LDLRAP1: variants seen among roughly 807,000 people sequenced by gnomAD.
The protein encoded by LDLRAP1 is low density lipoprotein receptor adapter protein 1.
In LDLRAP1, 30 loss-of-function variants were observed where a neutral mutation model predicts 37.8. That is an observed-to-expected ratio of 0.79 (90% CI 0.59 to 1.08). The LOEUF (loss-of-function observed/expected upper bound fraction) is 1.08, where lower values mean the gene tolerates loss of function less well. LDLRAP1 is among the 50% of genes least tolerant of loss of function. The pLI, the probability that LDLRAP1 is intolerant of heterozygous loss-of-function variation, is 0.00. For synonymous variants in LDLRAP1, 156 were observed against 169.8 expected (o/e 0.92, Z 0.63); for missense variants, 375 against 401.6 (o/e 0.93, Z 0.57).
At chr1:25,562,348 G>T (rs1482124593) in intron 4 of LDLRAP1, among the ~76,000 whole-genome samples, 1 of 152,214 alleles carries the variant, frequency 6.6e-6, no homozygotes, top group Non-Finnish European at 1.5e-5. Flanking sequence ...AACAGCCTTT[G>T]CAGGCAGGGG....
chr1:25,547,768 A>C (rs1046825368), intron 1 of LDLRAP1, among the ~76,000 whole-genome samples: 1 of 152,150 alleles, frequency 6.6e-6, no homozygotes, highest in Non-Finnish European at 1.5e-5. Flanking sequence ...CAGGGAGGAT[A>C]AGGGCGGCCA....
chr1:25,550,830 G>A (rs1007956529), intron 1 of LDLRAP1, among the ~76,000 whole-genome samples: 16 of 152,196 alleles, frequency 1.1e-4, no homozygotes, highest in Admixed American at 9.2e-4. Flanking sequence ...AAGGAGGAAT[G>A]CAGAAAAATG....
the LDLRAP1 span, among the ~76,000 whole-genome samples, chr1:25,580,386 T>G: frequency 6.6e-6 from 1 of 151,884 alleles, no homozygotes; most frequent in East Asian, 1.9e-4. Context: ...ACAAAAAAAT[T>G]AAATTAAAAA....
At position 25,555,715 on chromosome 1, in the gene LDLRAP1, G is replaced by A. The variant is rs1271355944; in HGVS notation, c.344+743G>A. On this transcript the variant is annotated intron_variant, in intron 3 of 8. Coordinates refer to ENST00000374338, the MANE Select transcript of LDLRAP1 (RefSeq NM_015627.3). This position sits in a 1 kb window ranked among gnomAD's most constrained non-coding sequence, Gnocchi z 4.7. Reference sequence around the variant, plus strand: ...CGTTGGTGCACAGGCCAGTAGTAGGGTCAGTAGATGTGTGTTGTGGGGGTC... The same window carrying A: ...CGTTGGTGCACAGGCCAGTAGTAGGATCAGTAGATGTGTGTTGTGGGGGTC... Among the ~76,000 whole-genome samples the A allele has an allele frequency of 6.6e-6, 1 of 152,186 alleles. No individual in the cohort carries two copies. The highest frequency in any genetic ancestry group is 1.5e-5 in the Non-Finnish European group (1 of 68,034).
chr1:25,554,829 C>A lies in LDLRAP1; in HGVS notation c.232-31C>A. On this transcript the variant is annotated intron_variant, in intron 2 of 8. Transcript: ENST00000374338. The surrounding 1 kb of genome is among the most constrained non-coding windows in gnomAD (Gnocchi z 5.4). ...GAGGGTGGGTCTCAAGTGAGGCTGG[C>A]AGACTCCTCTGACTCCTGTCTGCTC... is the stretch of plus-strand genomic sequence containing the variant. 6.4e-7 allele frequency: 1 copy of A among 1,569,638 alleles called. No individual in the cohort carries two copies. The highest frequency in any genetic ancestry group is 8.8e-7 in the Non-Finnish European group (1 of 1,141,744).
intron 1 of LDLRAP1, among the ~76,000 whole-genome samples, chr1:25,545,696 AG>A (rs2043917820): frequency 6.6e-6 from 1 of 152,152 alleles, no homozygotes; most frequent in African/African-American, 2.4e-5. Context: ...GATCTGAAGG[AG>A]GGCAGGCCGA....
chr1:25,589,663 G>A, the LDLRAP1 span, among the ~76,000 whole-genome samples: 1 of 152,162 alleles, frequency 6.6e-6, no homozygotes, highest in African/African-American at 2.4e-5. Flanking sequence ...ATCTTCTCCC[G>A]CCCTCCAGCA....
intron 4 of LDLRAP1, among the ~76,000 whole-genome samples, chr1:25,559,443 G>A (rs934471906): frequency 1.3e-5 from 2 of 152,180 alleles, no homozygotes; most frequent in Non-Finnish European, 2.9e-5. Context: ...GGTCAGTTAC[G>A]AGGAAAACAG....
At chr1:25,582,388 C>G in the LDLRAP1 span, among the ~76,000 whole-genome samples, 1 of 151,802 alleles carries the variant, frequency 6.6e-6, no homozygotes, top group African/African-American at 2.4e-5. Context: ...AGATCGAGAC[C>G]ATCCTGGCGA....
chr1:25,589,094 G>A, the LDLRAP1 span, among the ~76,000 whole-genome samples: 2 of 151,984 alleles, frequency 1.3e-5, no homozygotes, highest in Non-Finnish European at 1.5e-5. Flanking sequence ...ACCTGAGGTC[G>A]GGAGTTCGAG....
At chr1:25,576,912 G>C in the LDLRAP1 span, among the ~76,000 whole-genome samples, 19 of 152,244 alleles carry the variant, frequency 1.2e-4, no homozygotes, top group Non-Finnish European at 2.4e-4. Flanking sequence ...GGAGTGGCCT[G>C]AGACACAGAC....
the LDLRAP1 span, among the ~76,000 whole-genome samples, chr1:25,576,192 A>T: frequency 1.3e-5 from 2 of 152,006 alleles, no homozygotes; most frequent in Non-Finnish European, 1.5e-5. Context: ...AGATCGTGCC[A>T]CTGCACTCCA....
chr1:25,584,133 T>G, the LDLRAP1 span, among the ~76,000 whole-genome samples: 17,301 of 152,016 alleles, frequency 0.11, 2,206 homozygotes, highest in African/African-American at 0.28. Context: ...GTCTGAACGC[T>G]GGCTCTGTGG....
At position 25,557,141 on chromosome 1, in the gene LDLRAP1, C is replaced by T; in HGVS notation, c.345-12C>T. On this transcript the variant is annotated splice_polypyrimidine_tract_variant and intron_variant, in intron 3 of 8. Coordinates refer to ENST00000374338, the MANE Select transcript of LDLRAP1 (RefSeq NM_015627.3). ...GTGCCAGGTCTGGTGATGCTTCCTCCTTGCCTTTCAGGATCTCCTATTGCA... is the reference window on the plus strand; with the variant it reads ...GTGCCAGGTCTGGTGATGCTTCCTCTTTGCCTTTCAGGATCTCCTATTGCA... 1 of 1,606,626 alleles carries T rather than the reference C, an allele frequency of 6.2e-7. No homozygotes were observed. The highest frequency in any genetic ancestry group is 8.5e-7 in the Non-Finnish European group (1 of 1,173,068).
chr1:25,560,402 G>A (rs1212816163), intron 4 of LDLRAP1, among the ~76,000 whole-genome samples: 3 of 152,144 alleles, frequency 2.0e-5, no homozygotes, highest in Admixed American at 6.5e-5. Flanking sequence ...GGGCAGCACA[G>A]CCACCCCAGG....
intron 1 of LDLRAP1, among the ~76,000 whole-genome samples, chr1:25,547,008 C>G (rs993108471): frequency 5.3e-5 from 8 of 151,414 alleles, no homozygotes; most frequent in Admixed American, 5.3e-4. Context: ...GGTAGCAGGA[C>G]AAATAAAAAT....
intron 1 of LDLRAP1, among the ~76,000 whole-genome samples, chr1:25,548,969 A>G (rs2044006015): frequency 6.6e-6 from 1 of 152,166 alleles, no homozygotes; most frequent in Non-Finnish European, 1.5e-5. Flanking sequence ...CCCTGTTTTA[A>G]AGTTAGGACA....
At chr1:25,557,531 G>C in intron 4 of LDLRAP1, 1 of 542,236 alleles carries the variant, frequency 1.8e-6, no homozygotes, top group Non-Finnish European at 3.3e-6. Context: ...TGTTCTCTCT[G>C]TAACGGGATT....
chr1:25,571,702 G>C (rs2044606545), downstream of LDLRAP1, among the ~76,000 whole-genome samples: 1 of 152,204 alleles, frequency 6.6e-6, no homozygotes, highest in East Asian at 1.9e-4. Flanking sequence ...AGGTCACTTG[G>C]GACATTGGCA....
Sources: allele counts gnomAD v4.1 joint callset (sites outside exome capture counted in the v4.1 genomes callset), GRCh38; gene constraint gnomAD v4.1.1; non-coding constraint Gnocchi (gnomAD v3.1); transcripts MANE v1.5; gene names NCBI Gene and HGNC (gene_info 2026-07-23, HGNC 2026-07-21).